Variants in CLVS1 observed in about 807,000 individuals in gnomAD.
CLVS1 encodes clavesin 1, also known as clavesin-1.
A neutral mutation model predicts 33.1 loss-of-function variants in CLVS1; 10 were observed. The ratio of observed to expected loss-of-function variants is 0.30; its 90% CI spans 0.19 to 0.51. CLVS1 has a LOEUF of 0.51. Ranked by LOEUF, CLVS1 falls within the 20% of genes least tolerant of loss-of-function variation. The pLI, the probability that CLVS1 is intolerant of heterozygous loss-of-function variation, is 0.97. For missense variants in CLVS1, 343 were observed against 433.4 expected (o/e 0.79, Z 1.85); for synonymous variants, 163 against 166.1 (o/e 0.98, Z 0.14).
chr8:61,192,301 G>A (rs180783039), intron 2 of CLVS1, among the ~76,000 whole-genome samples: 1,597 of 152,258 alleles, frequency 0.01, 11 homozygotes, highest in Non-Finnish European at 0.017. Context: ...AACTAATGGT[G>A]GTGGGAAAAC....
chr8:61,290,844 C>T (rs571505452), intron 1 of CLVS1, among the ~76,000 whole-genome samples: 2 of 152,164 alleles, frequency 1.3e-5, no homozygotes, highest in Non-Finnish European at 2.9e-5. Flanking sequence ...TTCTTTTCAA[C>T]CTTCTCCCAA....
chr8:61,226,374 C>T (rs746440169), intron 2 of CLVS1, among the ~76,000 whole-genome samples: 2 of 152,198 alleles, frequency 1.3e-5, no homozygotes, highest in Non-Finnish European at 1.5e-5. Flanking sequence ...AAAATTGTTT[C>T]AGAAAATTGA....
the CLVS1 span, among the ~76,000 whole-genome samples, chr8:61,026,026 C>A: frequency 4.4e-3 from 663 of 151,944 alleles, 4 homozygotes; most frequent in Non-Finnish European, 6.4e-3. Flanking sequence ...GTCCCACCCC[C>A]CTTCCCTCCC....
chr8:61,339,977 A>G (rs1469811752), intron 2 of CLVS1, among the ~76,000 whole-genome samples: 1 of 151,716 alleles, frequency 6.6e-6, no homozygotes, highest in Non-Finnish European at 1.5e-5. Flanking sequence ...AGAAAGAGAA[A>G]GAAAGTGAAA....
the CLVS1 span, among the ~76,000 whole-genome samples, chr8:61,007,796 C>T: frequency 6.6e-6 from 1 of 152,156 alleles, no homozygotes; most frequent in Non-Finnish European, 1.5e-5. Context: ...CGTCGTTAAG[C>T]GCACCGCCCC....
At chr8:61,084,993 G>A (rs935774904) in intron 1 of CLVS1, among the ~76,000 whole-genome samples, 1 of 152,198 alleles carries the variant, frequency 6.6e-6, no homozygotes, top group Non-Finnish European at 1.5e-5. Context: ...TCAATACCAG[G>A]AAAATGTTTT....
chr8:61,267,896 T>A (rs911594871), intron 2 of CLVS1, among the ~76,000 whole-genome samples: 1 of 152,224 alleles, frequency 6.6e-6, no homozygotes, highest in Non-Finnish European at 1.5e-5. Context: ...TTAAGAAATC[T>A]TTTTCAAAGT....
At chr8:60,976,906 G>A in the CLVS1 span, among the ~76,000 whole-genome samples, 1 of 152,202 alleles carries the variant, frequency 6.6e-6, no homozygotes, top group Non-Finnish European at 1.5e-5. Context: ...GATTGTGGAG[G>A]GGCTGGCACA....
intron 2 of CLVS1, among the ~76,000 whole-genome samples, chr8:61,277,587 G>C (rs762924289): frequency 5.3e-5 from 8 of 152,156 alleles, no homozygotes; most frequent in South Asian, 2.1e-4. Context: ...AGGCCTGCTA[G>C]GTGCTTTATA....
intron 2 of CLVS1, chr8:61,202,724 C>G: frequency 6.3e-7 from 1 of 1,575,366 alleles, no homozygotes; most frequent in Non-Finnish European, 8.6e-7. Flanking sequence ...GATGCAGAGT[C>G]AGAAGATGAA....
chr8:61,488,614 A>G (rs1803959693), intron 5 of CLVS1, among the ~76,000 whole-genome samples: 2 of 152,204 alleles, frequency 1.3e-5, no homozygotes, highest in South Asian at 2.1e-4. Flanking sequence ...AACACTTCTA[A>G]TTTAAATAAT....
At chr8:61,116,571 T>G (rs1805728430) in intron 1 of CLVS1, among the ~76,000 whole-genome samples, 1 of 152,220 alleles carries the variant, frequency 6.6e-6, no homozygotes, top group Admixed American at 6.5e-5. Flanking sequence ...AGGGATCCAG[T>G]TTTAGCTTTC....
chr8:61,377,976 T>A (rs1298277634), intron 3 of CLVS1: 2 of 152,222 alleles, frequency 1.3e-5, no homozygotes, highest in Non-Finnish European at 2.9e-5. Flanking sequence ...ATCATAGACT[T>A]CTGTGTTCTT....
chr8:61,137,119 T>C (rs1276415638), intron 2 of CLVS1, among the ~76,000 whole-genome samples: 1 of 152,238 alleles, frequency 6.6e-6, no homozygotes, highest in African/African-American at 2.4e-5. Flanking sequence ...CTAAGAGCTA[T>C]GCAGCGTGCT....
chr8:61,056,502 C>A (rs1289106097), upstream of CLVS1, among the ~76,000 whole-genome samples: 2 of 152,186 alleles, frequency 1.3e-5, no homozygotes, highest in Non-Finnish European at 2.9e-5. Flanking sequence ...TTCTAGTGGT[C>A]TGAGGCAAAC....
chr8:61,361,555 T>A lies in CLVS1; in HGVS notation c.456-15050T>A, dbSNP rs113077319. Among the ~76,000 whole-genome samples the A allele has an allele frequency of 5.1e-3, 780 of 152,262 alleles. 4 individuals are homozygous for A. The highest frequency in any genetic ancestry group is 0.017 in the African/African-American group (714 of 41,548). On this transcript the variant is annotated intron_variant, in intron 2 of 5. Coordinates refer to ENST00000325897, the MANE Select transcript of CLVS1 (RefSeq NM_173519.3). ...TTGGCTGCAGAGAAAGCTCATTAGG[T>A]CAAATGGATGCAATAAGTCTTCCCC...
chr8:61,400,744 C>T (rs117749037), intron 3 of CLVS1, among the ~76,000 whole-genome samples: 9,744 of 152,064 alleles, frequency 0.064, 431 homozygotes, highest in Non-Finnish European at 0.096. Context: ...TAACATGAAA[C>T]GATGTTGAAT....
intron 3 of CLVS1, among the ~76,000 whole-genome samples, chr8:61,396,854 T>C (rs1563534790): frequency 1.3e-5 from 2 of 152,198 alleles, no homozygotes; most frequent in Non-Finnish European, 2.9e-5. Context: ...ATTCCAGGTA[T>C]AGCATGTGCC....
chr8:61,205,956 A>T (rs1195688743), intron 2 of CLVS1, among the ~76,000 whole-genome samples: 2 of 152,134 alleles, frequency 1.3e-5, no homozygotes, highest in African/African-American at 4.8e-5. Flanking sequence ...TGTCTCTTTC[A>T]TTAGCCTGTA....
Sources: gnomAD v4.1 joint callset for allele counts (sites outside exome capture counted in the v4.1 genomes callset) on GRCh38, gnomAD v4.1.1 for gene constraint, MANE v1.5 for transcripts, NCBI Gene and HGNC (gene_info 2026-07-23, HGNC 2026-07-21) for gene names.